The following ADAMTSL1 variants were observed in gnomAD, a reference collection of about 807,000 sequenced individuals.
ADAMTSL1 encodes the protein ADAMTS like 1.
Under a neutral mutation model 201.8 loss-of-function variants are expected in ADAMTSL1, and 126 were observed. The ratio of observed to expected loss-of-function variants is 0.62; its 90% CI spans 0.54 to 0.72. The LOEUF is 0.72. ADAMTSL1 is among the 30% of genes least tolerant of loss of function. The probability of loss-of-function intolerance (pLI) is 0.00; values close to 1 mark genes in which losing one functional copy is unlikely to be tolerated. For synonymous variants in ADAMTSL1, 1,121 were observed against 903.4 expected (o/e 1.24, Z -4.32); for missense variants, 2,679 against 2,277.8 (o/e 1.18, Z -3.59).
At chr9:18,453,777 T>A (rs1387940549) in intron 2 of ADAMTSL1, among the ~76,000 whole-genome samples, 1 of 152,162 alleles carries the variant, frequency 6.6e-6, no homozygotes, top group Non-Finnish European at 1.5e-5. Flanking sequence ...AAATGCAGAT[T>A]TTTTTGTATC....
In ADAMTSL1 at chr9:18,389,309, G is replaced by A. The variant is rs80141098; in HGVS notation, c.208-115520G>A. ...AATTATTTCAAGAACTACTTTCTGT[G>A]TATCTTCTAGAAGATGTAAACTGGT... On this transcript the variant is annotated intron_variant, in intron 2 of 29. Coordinates refer to the ADAMTSL1 transcript ENST00000680146. Among the ~76,000 whole-genome samples the A allele has an allele frequency of 9.4e-4, 143 of 151,708 alleles. 1 individual carries two copies. The highest frequency in any genetic ancestry group is 3.3e-3 in the African/African-American group (135 of 41,368).
rs145355383 is a variant in ADAMTSL1 at position 18,318,566 on chromosome 9, C to G, written c.207+154585C>G. Among the ~76,000 whole-genome samples the G allele has an allele frequency of 1.8e-3, 272 of 152,262 alleles. 1 individual carries two copies. The highest frequency in any genetic ancestry group is 6.4e-3 in the African/African-American group (264 of 41,548). On this transcript the variant is annotated intron_variant, in intron 2 of 29. Transcript: ENST00000680146. ...CATTTTAGCAACCTGATATACATTC[C>G]TAATTCTTTCTGAACCACTGGTTCC...
intron 20 of ADAMTSL1, among the ~76,000 whole-genome samples, chr9:18,815,720 AAAAAAAAAAAAAAAAGAG>A (rs1462192449): frequency 3.1e-5 from 4 of 130,072 alleles, no homozygotes; most frequent in African/African-American, 1.2e-4. Context: ...TCAAAAAAAA[AAAAAAAAAAAAAAAAGAG>A]AAAAAAAAAA....
At chr9:18,762,459 A>G (rs1253711613) in intron 16 of ADAMTSL1, among the ~76,000 whole-genome samples, 1 of 152,188 alleles carries the variant, frequency 6.6e-6, no homozygotes, top group African/African-American at 2.4e-5. Flanking sequence ...ATCTTGAAGA[A>G]TGGGGCATCC....
intron 1 of ADAMTSL1, among the ~76,000 whole-genome samples, chr9:17,982,472 C>T (rs1165383690): frequency 1.3e-5 from 2 of 151,940 alleles, no homozygotes; most frequent in African/African-American, 2.4e-5. Flanking sequence ...ATTAGCTGGT[C>T]GTGGTGGTGG....
chr9:18,314,185 A>G (rs1834269074), intron 2 of ADAMTSL1, among the ~76,000 whole-genome samples: 1 of 152,166 alleles, frequency 6.6e-6, no homozygotes, highest in African/African-American at 2.4e-5. Flanking sequence ...GAGATAGCAC[A>G]TGTTGGTGAG....
intron 2 of ADAMTSL1, among the ~76,000 whole-genome samples, chr9:18,330,704 G>A (rs2132905362): frequency 6.6e-6 from 1 of 152,236 alleles, no homozygotes. Flanking sequence ...TCTTTCTGCT[G>A]AATATAACAC....
intron 2 of ADAMTSL1, among the ~76,000 whole-genome samples, chr9:18,299,943 G>T (rs1378103203): frequency 6.6e-6 from 1 of 152,230 alleles, no homozygotes; most frequent in East Asian, 1.9e-4. Context: ...ACATTACTAA[G>T]TAGAAGAGAG....
chr9:17,952,336 C>A (rs2131375980), intron 1 of ADAMTSL1, among the ~76,000 whole-genome samples: 1 of 152,146 alleles, frequency 6.6e-6, no homozygotes, highest in East Asian at 1.9e-4. Context: ...TGAAGTATTT[C>A]TCTGAAAGTT....
chr9:17,913,575 A>C (rs957760241), intron 1 of ADAMTSL1, among the ~76,000 whole-genome samples: 1 of 152,198 alleles, frequency 6.6e-6, no homozygotes, highest in East Asian at 1.9e-4. Context: ...AGCAGGAAAG[A>C]TCCAAAATTG....
chr9:18,232,293 C>T (rs1219603460), intron 2 of ADAMTSL1, among the ~76,000 whole-genome samples: 1 of 152,060 alleles, frequency 6.6e-6, no homozygotes, highest in Non-Finnish European at 1.5e-5. Context: ...CAAAGTTGTC[C>T]CCCTTGCCGA....
chr9:18,392,367 G>T (rs1047811377), intron 2 of ADAMTSL1, among the ~76,000 whole-genome samples: 4 of 152,128 alleles, frequency 2.6e-5, no homozygotes, highest in African/African-American at 7.2e-5. Flanking sequence ...GGAACAGTGC[G>T]GTAGGTTGTT....
In ADAMTSL1 at chr9:18,784,086, A is replaced by G. The variant is rs370080888; in HGVS notation, c.3677+6180A>G. On this transcript the variant is annotated intron_variant, in intron 19 of 28. Transcript: ENST00000380548. ...CTCATAGAACTGAGCTCTGCTCTTC[A>G]GCAGTACACAAATACTTGCTGTTCA... 8.8e-4 allele frequency among the ~76,000 whole-genome samples: 134 copies of G among 152,310 alleles called. 2 individuals are homozygous for G. The South Asian group carries it at 0.027, about 30-fold the overall frequency.
chr9:18,586,754 A>T (rs1230823669), intron 4 of ADAMTSL1, among the ~76,000 whole-genome samples: 1 of 152,146 alleles, frequency 6.6e-6, no homozygotes, highest in Non-Finnish European at 1.5e-5. Context: ...AGACACATAG[A>T]CCAATGGAAC....
chr9:18,142,340 G>A (rs957125357), intron 1 of ADAMTSL1, among the ~76,000 whole-genome samples: 1 of 152,168 alleles, frequency 6.6e-6, no homozygotes, highest in East Asian at 1.9e-4. Flanking sequence ...GTCTTTGTCT[G>A]TGCTAACAAA....
chr9:18,733,684 C>G (rs2133497642), intron 15 of ADAMTSL1, among the ~76,000 whole-genome samples: 1 of 146,764 alleles, frequency 6.8e-6, no homozygotes, highest in South Asian at 2.3e-4. Flanking sequence ...CACCCCACTT[C>G]TCTTCTCTTT....
chr9:18,310,362 T>G (rs570813184), intron 2 of ADAMTSL1, among the ~76,000 whole-genome samples: 1 of 49,334 alleles, frequency 2.0e-5, no homozygotes, highest in African/African-American at 8.1e-5. Context: ...AAAGAGCTTC[T>G]GCATAGCAAA....
At chr9:18,032,304 C>T (rs1423190322) in intron 1 of ADAMTSL1, among the ~76,000 whole-genome samples, 1 of 152,198 alleles carries the variant, frequency 6.6e-6, no homozygotes, top group Non-Finnish European at 1.5e-5. Flanking sequence ...TAGCTCAATA[C>T]CCCTCAGGGT....
Position 18,681,846 on chromosome 9 carries a change from G to A in ADAMTSL1, c.1376G>A (p.Arg459His), listed in dbSNP as rs141742135. 155 of 1,613,558 alleles carry A rather than the reference G, an allele frequency of 9.6e-5. No individual in the cohort carries two copies. Among genetic ancestry groups the A allele is most frequent in the Middle Eastern group, 1.6e-4 (1 of 6,084 alleles). ...TVTCGQGLRY[R>H]VVLCIDHRGM... ...ACATGTGGCCAGGGCCTCAGATACCGTGTGGTCCTCTGCATCGACCATCGA... is the reference window on the plus strand; with the variant it reads ...ACATGTGGCCAGGGCCTCAGATACCATGTGGTCCTCTGCATCGACCATCGA... Residue 459 changes from arginine (R) to histidine (H), a missense_variant, in exon 12 of 29, where the codon CGT (arginine) becomes CAT (histidine). Arg to His is a conservative substitution (Grantham distance 29). Transcript: ENST00000380548.
Sources: gnomAD v4.1 joint callset for allele counts (sites outside exome capture counted in the v4.1 genomes callset) on GRCh38, gnomAD v4.1.1 for gene constraint, MANE v1.5 for transcripts, NCBI Gene and HGNC (gene_info 2026-07-23, HGNC 2026-07-21) for gene names.